Variants in OSBP observed in about 807,000 individuals in gnomAD.
OSBP encodes the protein oxysterol-binding protein 1.
Under a neutral mutation model 96.6 loss-of-function variants are expected in OSBP, and 32 were observed. That is an observed-to-expected ratio of 0.33 (90% CI 0.25 to 0.45). The LOEUF (loss-of-function observed/expected upper bound fraction) is 0.45, where lower values mean the gene tolerates loss of function less well. Ranked by LOEUF, OSBP falls within the 20% of genes least tolerant of loss-of-function variation. OSBP has a pLI of 1.00. For missense variants in OSBP, 653 were observed against 1,029.7 expected (o/e 0.63, Z 5.01); for synonymous variants, 369 against 389.6 (o/e 0.95, Z 0.62).
intron 3 of OSBP, among the ~76,000 whole-genome samples, chr11:59,602,128 C>T (rs1337791260): frequency 6.6e-6 from 1 of 152,140 alleles, no homozygotes; most frequent in Non-Finnish European, 1.5e-5. Context: ...TTTGTGACAA[C>T]ATCAAAAAGA....
intron 2 of OSBP, among the ~76,000 whole-genome samples, chr11:59,609,195 T>A (rs183604545): frequency 2.0e-5 from 3 of 152,326 alleles, no homozygotes; most frequent in Admixed American, 2.0e-4. Context: ...ATCTGATAGG[T>A]GACTGATGGG....
intron 7 of OSBP, among the ~76,000 whole-genome samples, chr11:59,598,606 T>C (rs1310610937): frequency 3.3e-5 from 5 of 152,212 alleles, no homozygotes; most frequent in South Asian, 4.1e-4. Flanking sequence ...TCTTGGTTTT[T>C]TGAGACAGAG....
At chr11:59,583,058 C>CCCAG (rs1312689435) in intron 9 of OSBP, among the ~76,000 whole-genome samples, 1 of 152,092 alleles carries the variant, frequency 6.6e-6, no homozygotes, top group African/African-American at 2.4e-5. Flanking sequence ...CCCCTATAAT[C>CCCAG]CCAGCTCTTT....
chr11:59,579,358 C>T (rs1395552787), intron 11 of OSBP, among the ~76,000 whole-genome samples: 12 of 146,654 alleles, frequency 8.2e-5, no homozygotes, highest in South Asian at 2.1e-4. Context: ...TTTGAGACGG[C>T]GTTTCTCTCT....
intron 2 of OSBP, among the ~76,000 whole-genome samples, chr11:59,610,043 C>T (rs1319743806): frequency 6.6e-6 from 1 of 152,278 alleles, no homozygotes; most frequent in Admixed American, 6.5e-5. Context: ...AATTTTTCAA[C>T]CTTGGCCAGA....
At chr11:59,599,240 C>T (rs1207366888) in intron 7 of OSBP, among the ~76,000 whole-genome samples, 1 of 152,204 alleles carries the variant, frequency 6.6e-6, no homozygotes, top group Non-Finnish European at 1.5e-5. Flanking sequence ...AAAGCAGCTG[C>T]AGATGATACG....
At chr11:59,583,814 A>AT (rs1329074289) in intron 9 of OSBP, among the ~76,000 whole-genome samples, 1 of 149,614 alleles carries the variant, frequency 6.7e-6, no homozygotes, top group African/African-American at 2.5e-5. Flanking sequence ...TAATTTTTGT[A>AT]TTTTTAGTAG....
chr11:59,601,026 G>GT (rs1275992598), intron 5 of OSBP, among the ~76,000 whole-genome samples, 153 bp from the exon 6 acceptor site: 2 of 143,204 alleles, frequency 1.4e-5, no homozygotes, highest in African/African-American at 5.1e-5. Flanking sequence ...ATGAATTTAA[G>GT]TATCTCTGGA....
At chr11:59,590,159 C>G (rs1266312032) in intron 9 of OSBP, among the ~76,000 whole-genome samples, 3 of 152,166 alleles carry the variant, frequency 2.0e-5, no homozygotes, top group African/African-American at 7.2e-5. Flanking sequence ...TAGGCACTTT[C>G]ATTGGTATTA....
intron 12 of OSBP, among the ~76,000 whole-genome samples, chr11:59,577,277 CTACGTTCAT>C (rs1860371811): frequency 6.6e-6 from 1 of 152,150 alleles, no homozygotes; most frequent in Non-Finnish European, 1.5e-5. Flanking sequence ...CTGAAATTAT[CTACGTTCAT>C]TAGAAAGAAG....
In OSBP at chr11:59,615,676, G is replaced by A; in HGVS notation, c.-12C>T. 3 of 1,313,330 alleles carry A rather than the reference G, an allele frequency of 2.3e-6. No individual in the cohort carries two copies. 81.4% of individuals were successfully genotyped at this position (1,313,330 alleles called of 1,614,324 possible). ...TCCGTCGCCGCCATGAGCCGCCGCC[G>A]CCTGGAGATACAAGACCGGAACCGC... On this transcript the variant is annotated 5_prime_UTR_variant, in exon 1 of 14. Transcript: ENST00000263847.
At chr11:59,601,617 T>A in intron 4 of OSBP, 23 bp downstream of exon 4, 1 of 1,609,812 alleles carries the variant, frequency 6.2e-7, no homozygotes. Context: ...TAGACCAGGC[T>A]ACCTGAGAGC....
intron 3 of OSBP, among the ~76,000 whole-genome samples, chr11:59,604,352 G>A (rs1860754282): frequency 6.6e-6 from 1 of 152,108 alleles, no homozygotes; most frequent in Admixed American, 6.6e-5. Flanking sequence ...TTTAAGATCA[G>A]CCTGGACAAC....
intron 7 of OSBP, among the ~76,000 whole-genome samples, chr11:59,595,634 T>C (rs1401298204): frequency 6.6e-6 from 1 of 152,180 alleles, no homozygotes; most frequent in East Asian, 1.9e-4. Flanking sequence ...TATACATTCA[T>C]ACATTTTTAA....
chr11:59,593,791 G>A, intron 8 of OSBP, 67 bp from the exon 9 acceptor site: 1 of 1,594,658 alleles, frequency 6.3e-7, no homozygotes, highest in South Asian at 1.1e-5. Context: ...CTATAAATTG[G>A]TGAGAAACAC....
intron 5 of OSBP, 70 bp downstream of exon 5, chr11:59,601,213 T>C: frequency 1.1e-6 from 1 of 887,662 alleles, no homozygotes; most frequent in African/African-American, 1.7e-5. Context: ...GGTTAAAATA[T>C]GATGCTAAAA....
chr11:59,596,526 T>A (rs1195161525), intron 7 of OSBP, among the ~76,000 whole-genome samples: 1 of 150,736 alleles, frequency 6.6e-6, no homozygotes, highest in Non-Finnish European at 1.5e-5. Flanking sequence ...AAGAAATGAG[T>A]CTGAGTATTT....
chr11:59,580,126 TAA>T, intron 11 of OSBP, 46 bp downstream of exon 11: 1 of 1,251,630 alleles, frequency 8.0e-7, no homozygotes, highest in Non-Finnish European at 1.2e-6. Context: ...GTATGCTTTC[TAA>T]GAGATACATG....
intron 9 of OSBP, among the ~76,000 whole-genome samples, chr11:59,589,686 G>C (rs1282347005): frequency 6.6e-6 from 1 of 151,536 alleles, no homozygotes; most frequent in African/African-American, 2.4e-5. Flanking sequence ...AGAACTCGAT[G>C]AAGAAATTCT....
Sources: gnomAD v4.1 joint callset for allele counts (sites outside exome capture counted in the v4.1 genomes callset) on GRCh38, gnomAD v4.1.1 for gene constraint, MANE v1.5 for transcripts, NCBI Gene and HGNC (gene_info 2026-07-23, HGNC 2026-07-21) for gene names.